The following PWWP3A variants were observed in gnomAD, a reference collection of about 807,000 sequenced individuals.
PWWP3A encodes the protein PWWP domain containing 3A, DNA repair factor, also known as PWWP domain-containing DNA repair factor 3A.
Under a neutral mutation model 79.0 loss-of-function variants are expected in PWWP3A, and 53 were observed. The ratio of observed to expected loss-of-function variants is 0.67; its 90% confidence interval spans 0.54 to 0.84. PWWP3A has a LOEUF of 0.84. Among genes scored for constraint, PWWP3A ranks in the 40% least tolerant of loss-of-function variants. The probability of loss-of-function intolerance (pLI) is 0.00; values close to 1 mark genes in which losing one functional copy is unlikely to be tolerated. For synonymous variants in PWWP3A, 443 were observed against 394.4 expected (o/e 1.12, Z -1.46); for missense variants, 973 against 948.0 (o/e 1.03, Z -0.35).
At position 1,360,461 on chromosome 19, in the gene PWWP3A, C is replaced by T. The variant is rs769671098; in HGVS notation, c.540C>T (p.Leu180=). The change falls in exon 5 of 14, where the codon CTC becomes CTT. Residue 180 remains leucine, a synonymous_variant. Coordinates refer to ENST00000591337, the MANE Select transcript of PWWP3A (RefSeq NM_001369789.1). This position sits in a 1 kb window ranked among gnomAD's most constrained non-coding sequence, Gnocchi z 4.4. ...GCAAAGTGGACCACAAGAAGGGGCT[C>T]AGGAAAAGTGAAAACCCAAGAGGCC... is the stretch of plus-strand genomic sequence containing the variant. ...PECKVDHKKG[L]RKSENPRGPL... is the part of the protein sequence containing the mutation. 1.4e-5 allele frequency: 22 copies of T among 1,614,004 alleles called. No homozygotes were observed. The highest frequency in any genetic ancestry group is 3.3e-4 in the Middle Eastern group (2 of 6,084).
chr19:1,356,311 A>C lies in PWWP3A; in HGVS notation c.-69-13A>C. ...AAACAGTTGTATAAACCACCGTGCAAATTTCGTTCCAGGACACATTGGCGT... is the reference window on the plus strand; with the variant it reads ...AAACAGTTGTATAAACCACCGTGCACATTTCGTTCCAGGACACATTGGCGT... On this transcript the variant is annotated splice_polypyrimidine_tract_variant and intron_variant, in intron 1 of 13. Transcript: ENST00000591337. The C allele has an allele frequency of 1.4e-6, 2 of 1,419,188 alleles. No homozygotes were observed. The highest frequency in any genetic ancestry group is 2.0e-6 in the Non-Finnish European group (2 of 1,003,890). The allele number at this position is 1,419,188 out of a possible 1,614,324, so 87.9% of individuals were successfully genotyped here.
chr19:1,370,737 C>T lies in PWWP3A; in HGVS notation c.1645C>T (p.Pro549Ser), dbSNP rs200751249. The T allele has an allele frequency of 2.7e-6, 4 of 1,482,210 alleles. No individual in the cohort carries two copies. The highest frequency in any genetic ancestry group is 2.5e-5 in the East Asian group (1 of 40,364). 91.8% of individuals were successfully genotyped at this position (1,482,210 alleles called of 1,614,324 possible). A position where few individuals can be genotyped will look rare whatever the true frequency, so the allele number is the denominator to read the frequency against. The change falls in exon 12 of 14, where the codon CCC (proline) becomes TCC (serine). Residue 549 changes from proline (P) to serine (S), a missense_variant. Physicochemically the swap from Pro to Ser is moderately conservative, Grantham distance 74. Coordinates refer to ENST00000591337, the MANE Select transcript of PWWP3A (RefSeq NM_001369789.1). ...CCCCGAGGAGCCCGTGGTGGGGTGC[C>T]CCCTGGGGCAGAGGCAGCCCTGCCG... is the stretch of plus-strand genomic sequence containing the variant. The part of the protein sequence containing the change: ...GSPEEPVVGC[P>S]LGQRQPCRKM...
intron 3 of PWWP3A, 69 bp downstream of exon 3, chr19:1,357,163 C>A: frequency 8.2e-7 from 1 of 1,217,926 alleles, no homozygotes; most frequent in Non-Finnish European, 1.2e-6. Context: ...TCCCCTACTC[C>A]CCCAAAACAG....
chr19:1,366,804 C>A (rs144292608), intron 8 of PWWP3A, among the ~76,000 whole-genome samples: 1 of 152,348 alleles, frequency 6.6e-6, no homozygotes, highest in East Asian at 1.9e-4. Context: ...ATGGATCAGC[C>A]GGCTGAAAGC....
In PWWP3A at chr19:1,358,401, G is replaced by C; in HGVS notation, c.151G>C (p.Val51Leu). ...TCGATTTTGTCTCTGCAGAATTAAG[G>C]TGAAAAGCACTGAAGTTGAGATCCT... ...QILSLEEKIK[V>L]KSTEVEILEK... Residue 51 changes from valine to leucine, a missense_variant, in exon 4 of 14, where the codon GTG (valine) becomes CTG (leucine). Val to Leu is a conservative substitution (Grantham distance 32). Transcript: ENST00000591337. 1 of 1,614,048 alleles carries C rather than the reference G, an allele frequency of 6.2e-7. No homozygotes were observed. The highest frequency in any genetic ancestry group is 8.5e-7 in the Non-Finnish European group (1 of 1,179,968).
chr19:1,375,567 A>ATAATATAATTTTATATATTGTG (rs2082360789), intron 13 of PWWP3A, among the ~76,000 whole-genome samples: 28 of 118,194 alleles, frequency 2.4e-4, no homozygotes, highest in Admixed American at 6.1e-4. Context: ...TATATATAAA[A>ATAATATAATTTTATATATTGTG]TATATTATAT....
chr19:1,373,415 G>T, intron 13 of PWWP3A: 4 of 534,592 alleles, frequency 7.5e-6, no homozygotes, highest in Non-Finnish European at 1.0e-5. Context: ...TGCCTGGGCC[G>T]TGTCTGTTCT....
chr19:1,364,366 T>G (rs543162073), intron 6 of PWWP3A, 143 bp from the exon 7 acceptor site: 1 of 685,014 alleles, frequency 1.5e-6, no homozygotes, highest in Non-Finnish European at 2.6e-6. Flanking sequence ...CAGATTCTCC[T>G]GATCTTTTAA....
chr19:1,366,899 G>T lies in PWWP3A; in HGVS notation c.1362-261G>T, dbSNP rs533282887. 2.0e-5 allele frequency among the ~76,000 whole-genome samples: 3 copies of T among 152,242 alleles called. No individual in the cohort carries two copies. The East Asian group carries it at 5.8e-4, about 29-fold the overall frequency. ...TGGTACTTCTGTGCTGCCCCCGAGG[G>T]GTGGGAGGTGTGGAGTGGAGACCCA... is the stretch of plus-strand genomic sequence containing the variant. On this transcript the variant is annotated intron_variant, in intron 8 of 13. Transcript: ENST00000591337.
rs769740699 is a variant in PWWP3A at position 1,368,219 on chromosome 19, G to A, written c.1422+999G>A. On this transcript the variant is annotated intron_variant, in intron 9 of 13. Coordinates refer to ENST00000591337, the MANE Select transcript of PWWP3A (RefSeq NM_001369789.1). The surrounding 1 kb of genome is among the most constrained non-coding windows in gnomAD (Gnocchi z 4.7). ...ATTACAGGTGTGAGCCACTGCGCCC[G>A]GCTGGAACTGAGTTACTTTCTAAAA... Among the ~76,000 whole-genome samples the A allele has an allele frequency of 3.3e-5, 5 of 152,136 alleles. No individual in the cohort carries two copies. The highest frequency in any genetic ancestry group is 1.9e-4 in the East Asian group (1 of 5,186).
rs111637853 is a variant in PWWP3A at position 1,356,037 on chromosome 19, C to T, written c.-69-287C>T. On this transcript the variant is annotated intron_variant, in intron 1 of 13. Coordinates refer to ENST00000591337, the MANE Select transcript of PWWP3A (RefSeq NM_001369789.1). ...CGAGGTCGGAGGCAGGTCTTCCGCA[C>T]GGAGATGATTTATTCAGGAGCCTTT... Among the ~76,000 whole-genome samples, 369 of 152,216 alleles carry T rather than the reference C, an allele frequency of 2.4e-3. 1 individual carries two copies. The highest frequency in any genetic ancestry group is 3.9e-3 in the Admixed American group (59 of 15,290).
At chr19:1,375,748 TATATA>T (rs1319858857) in intron 13 of PWWP3A, among the ~76,000 whole-genome samples, 1 of 141,894 alleles carries the variant, frequency 7.0e-6, no homozygotes, top group African/African-American at 2.6e-5. Flanking sequence ...ATATATAAAA[TATATA>T]ATTTTATATA....
Position 1,368,806 on chromosome 19 carries a change from G to C in PWWP3A, c.1423-459G>C, listed in dbSNP as rs1410723559. ...ATGTGGCACAGTGGCCACAGGGGAG[G>C]TGTTTGCACCGTCGATGCGTTCAGA... On this transcript the variant is annotated intron_variant, in intron 9 of 13. Transcript: ENST00000591337. This position sits in a 1 kb window ranked among gnomAD's most constrained non-coding sequence, Gnocchi z 4.7. Among the ~76,000 whole-genome samples, 1 of 152,238 alleles carries C rather than the reference G, an allele frequency of 6.6e-6. No homozygotes were observed. Among genetic ancestry groups the C allele is most frequent in the Non-Finnish European group, 1.5e-5 (1 of 68,036 alleles).
In PWWP3A at chr19:1,369,576, C is replaced by T. The variant is rs202124644; in HGVS notation, c.1499-20C>T. 5.0e-6 allele frequency: 8 copies of T among 1,614,014 alleles called. No homozygotes were observed. The African/African-American group carries it at 1.1e-4, about 22-fold the overall frequency. Reference sequence around the variant, plus strand: ...TCCTCTTAGGTCTACACAGTGCTCTCTCCCCTCCACCCCCTGCAGGCTGCG... The same window carrying T: ...TCCTCTTAGGTCTACACAGTGCTCTTTCCCCTCCACCCCCTGCAGGCTGCG... On this transcript the variant is annotated intron_variant, in intron 10 of 13. Transcript: ENST00000591337. The surrounding 1 kb of genome is among the most constrained non-coding windows in gnomAD (Gnocchi z 4.0).
rs144562198 is a variant in PWWP3A, at chr19:1,373,253, G to A, written c.2075+93G>A. The A allele has an allele frequency of 2.7e-4, 302 of 1,111,120 alleles. 1 individual carries two copies. The African/African-American group carries it at 2.8e-3, about 10-fold the overall frequency. The allele number at this position is 1,111,120 out of a possible 1,614,324, so 68.8% of individuals were successfully genotyped here. A position where few individuals can be genotyped will look rare whatever the true frequency, so the allele number is the denominator to read the frequency against. On this transcript the variant is annotated intron_variant, in intron 13 of 13. Transcript: ENST00000591337. The stretch of plus-strand genomic sequence containing the variant: ...ACAGGCAGTTTGACTCCAGGCTGCC[G>A]CAGCCCCTCTCCCTCATGAGGTGGC...
At chr19:1,375,247 C>T (rs1176396605) in intron 13 of PWWP3A, among the ~76,000 whole-genome samples, 1 of 150,084 alleles carries the variant, frequency 6.7e-6, no homozygotes, top group Non-Finnish European at 1.5e-5. Flanking sequence ...TATTACACAT[C>T]CTGTAAAAGT....
chr19:1,362,154 T>C (rs2082031009), intron 5 of PWWP3A, 96 bp from the exon 6 acceptor site: 9 of 973,000 alleles, frequency 9.2e-6, no homozygotes, highest in South Asian at 1.7e-5. Context: ...ACCTTTTCTT[T>C]ATGCATCGAT....
chr19:1,358,600 C>T (rs1272261164), intron 4 of PWWP3A, 136 bp downstream of exon 4: 2 of 1,579,234 alleles, frequency 1.3e-6, no homozygotes, highest in Non-Finnish European at 1.7e-6. Context: ...AACGCGAATC[C>T]CCTGAGCTGA....
chr19:1,364,282 A>G (rs1440178184), intron 6 of PWWP3A: 2 of 673,876 alleles, frequency 3.0e-6, no homozygotes, highest in Non-Finnish European at 5.5e-6. Context: ...GCAGCACCCC[A>G]CTCAGCTGCT....
Sources: allele counts gnomAD v4.1 joint callset (sites outside exome capture counted in the v4.1 genomes callset), GRCh38; gene constraint gnomAD v4.1.1; non-coding constraint Gnocchi (gnomAD v3.1); transcripts MANE v1.5; gene names NCBI Gene and HGNC (gene_info 2026-07-23, HGNC 2026-07-21).